Variants in SH3RF3 observed in about 807,000 individuals in gnomAD.
SH3RF3 encodes the protein E3 ubiquitin-protein ligase SH3RF3.
Under a neutral mutation model 66.3 loss-of-function variants are expected in SH3RF3, and 29 were observed. The ratio of observed to expected loss-of-function variants is 0.44; its 90% CI spans 0.33 to 0.60. SH3RF3 has a LOEUF of 0.60. Among genes scored for constraint, SH3RF3 ranks in the 20% least tolerant of loss-of-function variants. SH3RF3 has a pLI of 0.04. For missense variants in SH3RF3, 1,194 were observed against 1,190.9 expected (o/e 1.00, Z -0.04); for synonymous variants, 583 against 532.0 (o/e 1.10, Z -1.32).
At chr2:109,218,978 G>T (rs953706567) in intron 1 of SH3RF3, among the ~76,000 whole-genome samples, 3 of 152,202 alleles carry the variant, frequency 2.0e-5, no homozygotes, top group African/African-American at 7.2e-5. Context: ...CACTGTTTCT[G>T]TTCTGGGATT....
chr2:109,490,230 G>A (rs1277718677), intron 8 of SH3RF3, among the ~76,000 whole-genome samples: 1 of 152,192 alleles, frequency 6.6e-6, no homozygotes, highest in East Asian at 1.9e-4. Flanking sequence ...TAGAAATAAT[G>A]TCAGTCTTCA....
rs1161514727 is a variant in SH3RF3, at chr2:109,502,478, G to A, written c.*807G>A. Reference sequence around the variant, plus strand: ...AAGATGTCTGAGGCGACATCAAAGGGGCAGAATTTTTATATTTCCCATATG... The same window carrying A: ...AAGATGTCTGAGGCGACATCAAAGGAGCAGAATTTTTATATTTCCCATATG... On this transcript the variant is annotated 3_prime_UTR_variant, in exon 10 of 10. Coordinates refer to ENST00000309415, the MANE Select transcript of SH3RF3 (RefSeq NM_001099289.3). 1.3e-5 allele frequency: 2 copies of A among 152,176 alleles called. No individual in the cohort carries two copies. Among genetic ancestry groups the A allele is most frequent in the Admixed American group, 1.3e-4 (2 of 15,278 alleles). The allele number at this position is 152,176 out of a possible 1,614,324, so 9.4% of individuals were successfully genotyped here.
At chr2:109,386,386 A>AG (rs1459425055) in intron 3 of SH3RF3, among the ~76,000 whole-genome samples, 9 of 152,066 alleles carry the variant, frequency 5.9e-5, no homozygotes, top group Non-Finnish European at 1.3e-4. Context: ...ACCAAACACC[A>AG]GGGGGCCGCT....
At chr2:109,498,852 C>T (rs998881539) in intron 9 of SH3RF3, among the ~76,000 whole-genome samples, 4 of 152,146 alleles carry the variant, frequency 2.6e-5, no homozygotes, top group Admixed American at 6.5e-5. Context: ...GCAGGCCCGG[C>T]GTGGCCACAC....
At chr2:109,427,272 G>A (rs1349910465) in intron 5 of SH3RF3, among the ~76,000 whole-genome samples, 1 of 152,000 alleles carries the variant, frequency 6.6e-6, no homozygotes, top group Admixed American at 6.5e-5. Context: ...CCTGGACAAA[G>A]AAAATATTTC....
At chr2:109,420,437 T>TTTTTG (rs575012729) in intron 5 of SH3RF3, among the ~76,000 whole-genome samples, 6 of 152,022 alleles carry the variant, frequency 3.9e-5, no homozygotes, top group Non-Finnish European at 5.9e-5. Context: ...GTTGTTGTTG[T>TTTTTG]TTTTGTTTTG....
chr2:109,353,748 C>T (rs574192479), intron 2 of SH3RF3, among the ~76,000 whole-genome samples: 1 of 152,188 alleles, frequency 6.6e-6, no homozygotes, highest in Non-Finnish European at 1.5e-5. Flanking sequence ...AACCCAAAGA[C>T]GTGGAGACAA....
At chr2:109,197,737 G>A (rs1678541215) in intron 1 of SH3RF3, among the ~76,000 whole-genome samples, 1 of 152,220 alleles carries the variant, frequency 6.6e-6, no homozygotes, top group African/African-American at 2.4e-5. Flanking sequence ...TAGAAGGGTG[G>A]CCCTGGCCCC....
chr2:109,374,225 A>G (rs1041124823), intron 3 of SH3RF3, among the ~76,000 whole-genome samples: 1 of 152,070 alleles, frequency 6.6e-6, no homozygotes, highest in African/African-American at 2.4e-5. Flanking sequence ...CCTCCCAAGC[A>G]TCCTTGGGCA....
intron 3 of SH3RF3, among the ~76,000 whole-genome samples, chr2:109,377,085 C>A (rs940095149): frequency 6.6e-6 from 1 of 152,242 alleles, no homozygotes; most frequent in African/African-American, 2.4e-5. Flanking sequence ...AAATAGGTGC[C>A]TTTCCCTGGG....
chr2:109,413,927 C>T (rs1162981317), intron 4 of SH3RF3, among the ~76,000 whole-genome samples: 1 of 152,262 alleles, frequency 6.6e-6, no homozygotes, highest in Non-Finnish European at 1.5e-5. Context: ...CAGGGGCAGT[C>T]ACCTGCCCCA....
At chr2:109,260,794 A>G (rs953359559) in intron 1 of SH3RF3, among the ~76,000 whole-genome samples, 1 of 152,156 alleles carries the variant, frequency 6.6e-6, no homozygotes, top group Admixed American at 6.5e-5. Context: ...TGTCTGAACC[A>G]AGTTCCTAAG....
At chr2:109,295,914 C>T (rs1427414271) in intron 1 of SH3RF3, among the ~76,000 whole-genome samples, 1 of 152,190 alleles carries the variant, frequency 6.6e-6, no homozygotes, top group Non-Finnish European at 1.5e-5. Context: ...GAGGACAGAA[C>T]CCAGCCTCCT....
At chr2:109,387,858 TGG>T (rs5833330) in intron 3 of SH3RF3, among the ~76,000 whole-genome samples, 11,767 of 147,742 alleles carry the variant, frequency 0.08, 1,253 homozygotes, top group African/African-American at 0.25. Flanking sequence ...CCCAGATGGT[TGG>T]GGGGGGGGTC....
At chr2:109,453,117 AC>A (rs1188425587) in intron 8 of SH3RF3, among the ~76,000 whole-genome samples, 1 of 152,138 alleles carries the variant, frequency 6.6e-6, no homozygotes, top group Non-Finnish European at 1.5e-5. Flanking sequence ...TGGGGATAAT[AC>A]AAGTGCAGAC....
At chr2:109,331,232 G>A (rs996139567) in intron 1 of SH3RF3, among the ~76,000 whole-genome samples, 1 of 152,096 alleles carries the variant, frequency 6.6e-6, no homozygotes, top group Non-Finnish European at 1.5e-5. Flanking sequence ...TCCTGATATT[G>A]TGTACAGACC....
intron 8 of SH3RF3, among the ~76,000 whole-genome samples, chr2:109,453,098 G>A (rs1003760551): frequency 2.0e-5 from 3 of 152,174 alleles, no homozygotes; most frequent in Non-Finnish European, 4.4e-5. Flanking sequence ...GATGTGGTGT[G>A]CAGGCCTCTG....
chr2:109,450,981 T>C (rs1183925012), intron 8 of SH3RF3, among the ~76,000 whole-genome samples: 1 of 152,198 alleles, frequency 6.6e-6, no homozygotes, highest in Non-Finnish European at 1.5e-5. Flanking sequence ...CAGCGCTGAC[T>C]CGGCGGGCTC....
chr2:109,292,081 T>G (rs1041052002), intron 1 of SH3RF3, among the ~76,000 whole-genome samples: 1 of 152,198 alleles, frequency 6.6e-6, no homozygotes, highest in Non-Finnish European at 1.5e-5. Flanking sequence ...GCCAGGATGG[T>G]CTCGATCTCC....
Sources: allele counts gnomAD v4.1 joint callset (sites outside exome capture counted in the v4.1 genomes callset), GRCh38; gene constraint gnomAD v4.1.1; transcripts MANE v1.5; gene names NCBI Gene and HGNC (gene_info 2026-07-23, HGNC 2026-07-21).